GOPC: variants seen among roughly 807,000 people sequenced by gnomAD.
GOPC encodes the protein Golgi-associated PDZ and coiled-coil motif-containing protein.
A neutral mutation model predicts 51.2 loss-of-function variants in GOPC; 32 were observed. That is an observed-to-expected ratio of 0.63 (90% CI 0.47 to 0.84). The LOEUF is 0.84. Among genes scored for constraint, GOPC ranks in the 40% least tolerant of loss-of-function variants. The pLI, the probability that GOPC is intolerant of heterozygous loss-of-function variation, is 0.00. For missense variants in GOPC, 441 were observed against 555.5 expected (o/e 0.79, Z 2.07); for synonymous variants, 190 against 205.1 (o/e 0.93, Z 0.63).
chr6:117,566,476 AT>A (rs1373865204), intron 8 of GOPC, among the ~76,000 whole-genome samples: 3 of 152,214 alleles, frequency 2.0e-5, no homozygotes, highest in Non-Finnish European at 4.4e-5. Flanking sequence ...CTTATTCATA[AT>A]TAGCTTAAAA....
intron 7 of GOPC, among the ~76,000 whole-genome samples, chr6:117,568,665 C>T (rs1779746526): frequency 6.6e-6 from 1 of 152,152 alleles, no homozygotes; most frequent in East Asian, 1.9e-4. Flanking sequence ...TTTTAGATGA[C>T]AGAATTAGAT....
Position 117,573,644 on chromosome 6 carries a change from G to A in GOPC, c.651-12C>T, listed in dbSNP as rs1345598163. On this transcript the variant is annotated splice_polypyrimidine_tract_variant and intron_variant, in intron 4 of 8. Coordinates refer to ENST00000368498, the MANE Select transcript of GOPC (RefSeq NM_020399.4). ...GTATCTGTTGGACCCTTCATATTGG[G>A]AAAAGAGTACATTGATTTTTCATTA... 4.4e-6 allele frequency: 7 copies of A among 1,595,626 alleles called. No individual in the cohort carries two copies. Among genetic ancestry groups the A allele is most frequent in the Middle Eastern group, 3.3e-4 (2 of 5,990 alleles).
intron 1 of GOPC, among the ~76,000 whole-genome samples, chr6:117,591,088 G>T (rs1780110301): frequency 6.6e-6 from 1 of 152,160 alleles, no homozygotes; most frequent in Admixed American, 6.5e-5. Context: ...CTGACCTCAG[G>T]TGATCTGCCC....
At chr6:117,574,220 C>T (rs1426658382) in intron 4 of GOPC, among the ~76,000 whole-genome samples, 1 of 151,010 alleles carries the variant, frequency 6.6e-6, no homozygotes, top group African/African-American at 2.4e-5. Flanking sequence ...CACTGCACTC[C>T]ATCCTGAGCG....
chr6:117,598,858 T>A (rs1156657783), intron 1 of GOPC, among the ~76,000 whole-genome samples: 1 of 152,202 alleles, frequency 6.6e-6, no homozygotes, highest in Non-Finnish European at 1.5e-5. Flanking sequence ...TGATTACAGT[T>A]AATAGTAGCT....
intron 3 of GOPC, among the ~76,000 whole-genome samples, chr6:117,576,082 G>A (rs895249615): frequency 2.0e-5 from 3 of 151,834 alleles, no homozygotes; most frequent in Non-Finnish European, 2.9e-5. Context: ...GCCTCCTTTG[G>A]TCTACTGTTT....
intron 5 of GOPC, among the ~76,000 whole-genome samples, chr6:117,571,194 A>T (rs1336172624): frequency 6.6e-6 from 1 of 152,148 alleles, no homozygotes; most frequent in African/African-American, 2.4e-5. Flanking sequence ...ATATTGATAC[A>T]TCTCTTTTTA....
chr6:117,580,846 G>T (rs1374726548), intron 1 of GOPC, among the ~76,000 whole-genome samples: 4 of 152,062 alleles, frequency 2.6e-5, no homozygotes, highest in Admixed American at 6.5e-5. Context: ...CTTTGTAAAT[G>T]AAAATAAAGG....
intron 2 of GOPC, 42 bp downstream of exon 2, chr6:117,578,858 G>T (rs759947579): frequency 2.8e-6 from 4 of 1,445,042 alleles, no homozygotes; most frequent in African/African-American, 1.4e-5. Context: ...TGTACACCCT[G>T]TAAAATACAT....
intron 1 of GOPC, among the ~76,000 whole-genome samples, chr6:117,592,902 T>C (rs1431083510): frequency 6.6e-6 from 1 of 152,206 alleles, no homozygotes; most frequent in African/African-American, 2.4e-5. Flanking sequence ...TAGTCTTCAA[T>C]TTATCTCCTT....
chr6:117,584,109 T>C (rs948276853), intron 1 of GOPC, among the ~76,000 whole-genome samples: 1 of 152,238 alleles, frequency 6.6e-6, no homozygotes, highest in African/African-American at 2.4e-5. Flanking sequence ...GAAAGGTTTC[T>C]TTGGATTAGT....
At chr6:117,565,941 G>C (rs1348498601) in intron 8 of GOPC, among the ~76,000 whole-genome samples, 1 of 152,158 alleles carries the variant, frequency 6.6e-6, no homozygotes, top group African/African-American at 2.4e-5. Flanking sequence ...AGTGCTTTAT[G>C]CATACTTCCC....
chr6:117,574,224 C>G (rs1479830760), intron 4 of GOPC, among the ~76,000 whole-genome samples: 1 of 151,172 alleles, frequency 6.6e-6, no homozygotes. Context: ...GCACTCCATC[C>G]TGAGCGACAG....
At chr6:117,569,510 A>G in intron 7 of GOPC, 62 bp downstream of exon 7, 1 of 1,578,826 alleles carries the variant, frequency 6.3e-7, no homozygotes, top group South Asian at 1.2e-5. Flanking sequence ...GGAAGTATAC[A>G]GTGTTCAATA....
rs866356378 is a variant in GOPC at position 117,563,421 on chromosome 6, G to T, written c.1259-37C>A. On this transcript the variant is annotated intron_variant, in intron 8 of 8. Coordinates refer to ENST00000368498, the MANE Select transcript of GOPC (RefSeq NM_020399.4). Reference sequence around the variant, plus strand: ...GAGAAAAAAAAAGCAGACACTTTCTGGTTTAAAAAGTTGGTTTTGGTCAGG... The same window carrying T: ...GAGAAAAAAAAAGCAGACACTTTCTTGTTTAAAAAGTTGGTTTTGGTCAGG... 8 of 1,607,612 alleles carry T rather than the reference G, an allele frequency of 5.0e-6. No homozygotes were observed. In the Middle Eastern group the frequency reaches 5.0e-4, roughly 100 times the overall value.
At chr6:117,579,137 G>T in intron 1 of GOPC, 73 bp from the exon 2 acceptor site, 1 of 1,213,686 alleles carries the variant, frequency 8.2e-7, no homozygotes, top group East Asian at 2.5e-5. Context: ...TGTTATTCAA[G>T]AATGACAACA....
At chr6:117,572,221 G>A (rs143449460) in intron 5 of GOPC, among the ~76,000 whole-genome samples, 196 of 152,032 alleles carry the variant, frequency 1.3e-3, no homozygotes, top group African/African-American at 4.6e-3. Flanking sequence ...TCCCTTCCCA[G>A]TGAATGCCAG....
Position 117,569,656 on chromosome 6 carries a change from G to A in GOPC, c.993C>T (p.His331=), listed in dbSNP as rs758289430. ...TGACTGCCAAAATAGCATCCCCAAC[G>A]TGCAGCCCTCCGCATCTATCAGCAG... The part of the protein sequence containing the change: ...GQPADRCGGL[H]VGDAILAVNG... The change falls in exon 7 of 9, where the codon CAC becomes CAT. Residue 331 remains histidine, a synonymous_variant. Coordinates refer to ENST00000368498, the MANE Select transcript of GOPC (RefSeq NM_020399.4). The A allele has an allele frequency of 5.6e-6, 9 of 1,612,312 alleles. No homozygotes were observed. The highest frequency in any genetic ancestry group is 3.3e-5 in the South Asian group (3 of 90,598).
Position 117,602,491 on chromosome 6 carries a change from A to C in GOPC, c.-203T>G. ...GCTGAGGCGGCAACGGCGGCGACAC[A>C]CGGAAGACTCAGTCAGTCCCACCTC... On this transcript the variant is annotated 5_prime_UTR_variant, in exon 1 of 9. Transcript: ENST00000368498. 3.4e-6 allele frequency: 2 copies of C among 589,126 alleles called. No individual in the cohort carries two copies. The highest frequency in any genetic ancestry group is 3.0e-6 in the Non-Finnish European group (1 of 332,500). The allele number at this position is 589,126 out of a possible 1,614,324, so 36.5% of individuals were successfully genotyped here.
Sources: allele counts gnomAD v4.1 joint callset (sites outside exome capture counted in the v4.1 genomes callset), GRCh38; gene constraint gnomAD v4.1.1; transcripts MANE v1.5; gene names NCBI Gene and HGNC (gene_info 2026-07-23, HGNC 2026-07-21).